The following GANC variants were observed in gnomAD, a reference collection of about 807,000 sequenced individuals.
The protein encoded by GANC is neutral alpha-glucosidase C.
Under a neutral mutation model 124.2 loss-of-function variants are expected in GANC, and 117 were observed. That is an observed-to-expected ratio of 0.94 (90% CI 0.81 to 1.10). GANC has a LOEUF of 1.10. Among genes scored for constraint, GANC ranks in the 50% least tolerant of loss-of-function variants. The pLI is 0.00. For missense variants in GANC, 1,140 were observed against 1,095.0 expected (o/e 1.04, Z -0.58); for synonymous variants, 377 against 376.8 (o/e 1.00, Z -0.01).
chr15:42,296,043 T>C (rs556890439), intron 5 of GANC, among the ~76,000 whole-genome samples: 29 of 151,446 alleles, frequency 1.9e-4, no homozygotes, highest in African/African-American at 6.8e-4. Context: ...ACTTGGGAGG[T>C]TGAGGTGGGA....
chr15:42,320,392 C>A (rs962395221), intron 10 of GANC, among the ~76,000 whole-genome samples: 1 of 152,016 alleles, frequency 6.6e-6, no homozygotes, highest in African/African-American at 2.4e-5. Flanking sequence ...TTCCTGTTTT[C>A]TTGGAGATCC....
chr15:42,313,031 C>T (rs550003879), intron 10 of GANC, among the ~76,000 whole-genome samples: 3 of 151,970 alleles, frequency 2.0e-5, no homozygotes, highest in South Asian at 2.1e-4. Flanking sequence ...TAAACCCATA[C>T]GCTTATGGCC....
At chr15:42,277,671 G>A (rs527761843) in intron 2 of GANC, among the ~76,000 whole-genome samples, 1 of 151,344 alleles carries the variant, frequency 6.6e-6, no homozygotes, top group South Asian at 2.1e-4. Flanking sequence ...CGCAATCACT[G>A]CCCACCACAA....
At chr15:42,278,930 G>A (rs1288807032) in intron 3 of GANC, among the ~76,000 whole-genome samples, 1 of 152,160 alleles carries the variant, frequency 6.6e-6, no homozygotes, top group Non-Finnish European at 1.5e-5. Context: ...GGGAGGTCGA[G>A]GCTGCAGTGA....
In GANC at chr15:42,348,014, T is replaced by C. The variant is rs372470576; in HGVS notation, c.2305-89T>C. 9 of 779,502 alleles carry C rather than the reference T, an allele frequency of 1.2e-5. No homozygotes were observed. In the African/African-American group the frequency reaches 1.6e-4, roughly 14 times the overall value. 48.3% of individuals were successfully genotyped at this position (779,502 alleles called of 1,614,324 possible). A position where few individuals can be genotyped will look rare whatever the true frequency, so the allele number is the denominator to read the frequency against. On this transcript the variant is annotated intron_variant, in intron 20 of 23. Coordinates refer to ENST00000318010, the MANE Select transcript of GANC (RefSeq NM_198141.3). The stretch of plus-strand genomic sequence containing the variant: ...CCTACAAATCCGTACTTGTAGACTG[T>C]GAATTTTATAAAATGAAATATTTTT...
chr15:42,340,749 T>C lies in GANC; in HGVS notation c.2147T>C (p.Met716Thr). ...ACTTTTGATATGGAAGATGAATACA[T>C]GCTGGGTGAGCATTTCTGTTTTTTT... ...LKTFDMEDEY[M>T]LGSALLVHPV... Residue 716 changes from methionine to threonine, a missense_variant, in exon 18 of 24, where the codon ATG becomes ACG. By Grantham distance (81) the Met-to-Thr change is moderately conservative (BLOSUM62 -1). Coordinates refer to ENST00000318010, the MANE Select transcript of GANC (RefSeq NM_198141.3). The C allele has an allele frequency of 6.3e-7, 1 of 1,594,280 alleles. No individual in the cohort carries two copies. Among genetic ancestry groups the C allele is most frequent in the South Asian group, 1.1e-5 (1 of 88,860 alleles).
intron 12 of GANC, 43 bp from the exon 13 acceptor site, chr15:42,327,320 G>T: frequency 2.8e-6 from 4 of 1,429,766 alleles, no homozygotes; most frequent in Non-Finnish European, 3.9e-6. Flanking sequence ...CTACTGTGAG[G>T]ACCACTGTTC....
intron 2 of GANC, chr15:42,278,105 A>T: frequency 3.0e-6 from 1 of 330,900 alleles, no homozygotes; most frequent in Non-Finnish European, 6.3e-6. Flanking sequence ...TTGTTAAACC[A>T]CTAGATTATA....
chr15:42,311,836 T>C (rs2052052509), intron 10 of GANC, among the ~76,000 whole-genome samples: 1 of 120,452 alleles, frequency 8.3e-6, no homozygotes, highest in African/African-American at 2.7e-5. Context: ...ATCCAAACCA[T>C]ATCAATCAAT....
intron 10 of GANC, among the ~76,000 whole-genome samples, chr15:42,316,577 G>A (rs1383818408): frequency 2.0e-5 from 3 of 152,114 alleles, no homozygotes; most frequent in Admixed American, 6.6e-5. Context: ...TTATTCTACC[G>A]CTATCTACTA....
At chr15:42,283,554 T>C in intron 3 of GANC, 1 of 671,160 alleles carries the variant, frequency 1.5e-6, no homozygotes, top group South Asian at 1.6e-5. Flanking sequence ...TTGCTAATTA[T>C]GATGCTTTCT....
At chr15:42,315,941 C>T (rs1277440975) in intron 10 of GANC, among the ~76,000 whole-genome samples, 2 of 152,004 alleles carry the variant, frequency 1.3e-5, no homozygotes, top group African/African-American at 4.8e-5. Context: ...TACAATCACA[C>T]GAGCCAGTTA....
intron 19 of GANC, among the ~76,000 whole-genome samples, chr15:42,344,065 G>A (rs7165023): frequency 0.097 from 14,757 of 152,250 alleles, 840 homozygotes; most frequent in South Asian, 0.18. Flanking sequence ...AGTACTGTCA[G>A]GTGCTGGGCT....
chr15:42,296,549 C>T (rs1001975547), intron 5 of GANC, among the ~76,000 whole-genome samples: 94 of 152,238 alleles, frequency 6.2e-4, no homozygotes, highest in African/African-American at 2.2e-3. Context: ...CCCACCACCA[C>T]GTCCAGCTAA....
intron 10 of GANC, 47 bp downstream of exon 10, chr15:42,310,893 A>T: frequency 1.3e-6 from 2 of 1,570,952 alleles, no homozygotes; most frequent in Non-Finnish European, 1.7e-6. Context: ...TACATATCCA[A>T]TGTCCCATGT....
At position 42,352,346 on chromosome 15, in the gene GANC, T is replaced by C. The variant is rs771408616; in HGVS notation, c.*207T>C. The C allele has an allele frequency of 8.0e-6, 11 of 1,367,486 alleles. No homozygotes were observed. The highest frequency in any genetic ancestry group is 1.0e-5 in the Non-Finnish European group (11 of 1,059,066). The allele number at this position is 1,367,486 out of a possible 1,614,324, so 84.7% of individuals were successfully genotyped here. ...GTTAAGATGTACTAACAATATTCCT[T>C]GTATCAAACATCTCCTTTTCTCCCT... On this transcript the variant is annotated 3_prime_UTR_variant, in exon 24 of 24. Coordinates refer to ENST00000318010, the MANE Select transcript of GANC (RefSeq NM_198141.3).
At chr15:42,277,260 G>A (rs554203316) in intron 2 of GANC, among the ~76,000 whole-genome samples, 12 of 152,300 alleles carry the variant, frequency 7.9e-5, no homozygotes, top group African/African-American at 2.6e-4. Context: ...GCTGGGCGAG[G>A]TGGCTCACAC....
At chr15:42,340,494 C>T (rs2052321056) in intron 17 of GANC, among the ~76,000 whole-genome samples, 196 bp from the exon 18 acceptor site, 1 of 151,624 alleles carries the variant, frequency 6.6e-6, no homozygotes, top group Admixed American at 6.6e-5. Context: ...ATCCCAGCTA[C>T]TTGGGAGACC....
intron 3 of GANC, chr15:42,284,255 G>C: frequency 1.9e-6 from 1 of 517,048 alleles, no homozygotes; most frequent in East Asian, 3.1e-5. Context: ...TTTACTAATT[G>C]TGATTCCCAG....
Sources: allele counts gnomAD v4.1 joint callset (sites outside exome capture counted in the v4.1 genomes callset), GRCh38; gene constraint gnomAD v4.1.1; transcripts MANE v1.5; gene names NCBI Gene and HGNC (gene_info 2026-07-23, HGNC 2026-07-21).